ADGB: variants seen among roughly 807,000 people sequenced by gnomAD.
ADGB encodes the protein calpain-7-like protein.
In ADGB, 172 loss-of-function variants were observed where a neutral mutation model predicts 210.5. The ratio of observed to expected loss-of-function variants is 0.82; its 90% CI spans 0.72 to 0.93. The LOEUF (loss-of-function observed/expected upper bound fraction) is 0.93. Ranked by LOEUF, ADGB falls within the 40% of genes least tolerant of loss-of-function variation. The pLI, the probability that ADGB is intolerant of heterozygous loss-of-function variation, is 0.00. For synonymous variants in ADGB, 658 were observed against 662.7 expected (o/e 0.99, Z 0.11); for missense variants, 2,025 against 1,964.8 (o/e 1.03, Z -0.58).
At position 146,676,456 on chromosome 6, in the gene ADGB, T is replaced by C. The variant is rs1488922936; in HGVS notation, c.1216+15T>C. ...CCTATCAGATTGTAAGCTCCTAATT[T>C]CTTAGAATAATAACTATTTTAGTTG... On this transcript the variant is annotated intron_variant, in intron 9 of 35. Transcript: ENST00000397944. The C allele has an allele frequency of 7.4e-7, 1 of 1,354,470 alleles. No individual in the cohort carries two copies. The highest frequency in any genetic ancestry group is 1.5e-5 in the African/African-American group (1 of 66,220). 83.9% of individuals were successfully genotyped at this position (1,354,470 alleles called of 1,614,324 possible).
At chr6:146,686,861 A>G (rs1318127777) in intron 10 of ADGB, among the ~76,000 whole-genome samples, 1 of 152,152 alleles carries the variant, frequency 6.6e-6, no homozygotes, top group East Asian at 1.9e-4. Context: ...TCATTTAGTT[A>G]GCTAGAAAGA....
At chr6:146,638,393 G>A (rs1368641892) in intron 2 of ADGB, among the ~76,000 whole-genome samples, 1 of 151,902 alleles carries the variant, frequency 6.6e-6, no homozygotes, top group South Asian at 2.1e-4. Context: ...AGAAAATGTG[G>A]CACATATACC....
In ADGB at chr6:146,782,153, G is replaced by C. The variant is rs1216372044; in HGVS notation, c.3996G>C (p.Lys1332Asn). The change falls in exon 30 of 36, where the codon AAG (lysine) becomes AAC (asparagine). Residue 1332 changes from lysine (K) to asparagine (N), a missense_variant. Physicochemically the swap from Lys to Asn is moderately conservative, Grantham distance 94. Coordinates refer to ENST00000397944, the MANE Select transcript of ADGB (RefSeq NM_024694.4). ...AAGAAAAGTCTTCTGAGAAAGAAAA[G>C]ACAGCCAAAGAAAAACAAGCACCTC... ...KGKEKSSEKE[K>N]TAKEKQAPRF... is the part of the protein sequence containing the mutation. 5 of 1,539,762 alleles carry C rather than the reference G, an allele frequency of 3.2e-6. No individual in the cohort carries two copies. The highest frequency in any genetic ancestry group is 4.4e-6 in the Non-Finnish European group (5 of 1,143,498).
rs1420007779 is a variant in ADGB, at chr6:146,801,929, G to C, written c.4736G>C (p.Arg1579Thr). 3.2e-6 allele frequency: 5 copies of C among 1,551,036 alleles called. No homozygotes were observed. Among genetic ancestry groups the C allele is most frequent in the Non-Finnish European group, 3.5e-6 (4 of 1,146,744 alleles). ...CATCAGTTTCGACAGCATAGGACCA[G>C]AGTCCTTAGCATTCGAAACATTGAC... ...EIHQFRQHRT[R>T]VLSIRNIDQE... Residue 1579 changes from arginine to threonine, a missense_variant, in exon 35 of 36, where the codon AGA becomes ACA. Coordinates refer to ENST00000397944, the MANE Select transcript of ADGB (RefSeq NM_024694.4).
intron 9 of ADGB, among the ~76,000 whole-genome samples, chr6:146,682,148 G>A (rs7748213): frequency 0.01 from 1,522 of 151,984 alleles, 22 homozygotes; most frequent in African/African-American, 0.034. Context: ...TAGTAATTTG[G>A]GGTTCATCTC....
intron 27 of ADGB, among the ~76,000 whole-genome samples, chr6:146,753,683 AT>A (rs1366424958): frequency 6.6e-6 from 1 of 151,850 alleles, no homozygotes; most frequent in Non-Finnish European, 1.5e-5. Context: ...AAATCATCAA[AT>A]TTTACTCCTT....
At chr6:146,624,372 A>G (rs565179153) in intron 1 of ADGB, among the ~76,000 whole-genome samples, 388 of 151,964 alleles carry the variant, frequency 2.6e-3, no homozygotes, top group African/African-American at 8.3e-3. Flanking sequence ...ATAAAGAATG[A>G]CTTGTAATTT....
chr6:146,639,795 C>T, intron 2 of ADGB: 1 of 151,872 alleles, frequency 6.6e-6, no homozygotes, highest in Non-Finnish European at 1.5e-5. Flanking sequence ...AAGCATGGCA[C>T]ACAAATTCGT....
At chr6:146,792,924 G>A (rs973503267) in intron 33 of ADGB, among the ~76,000 whole-genome samples, 10 of 152,106 alleles carry the variant, frequency 6.6e-5, no homozygotes, top group African/African-American at 1.2e-4. Flanking sequence ...ATGAAGCCAC[G>A]GACCTTCGCA....
At position 146,780,685 on chromosome 6, in the gene ADGB, A is replaced by G. The variant is rs9497621; in HGVS notation, c.3863-1335A>G. Among the ~76,000 whole-genome samples the G allele has an allele frequency of 5.5e-3, 841 of 152,300 alleles. 9 individuals carry two copies. The highest frequency in any genetic ancestry group is 0.019 in the African/African-American group (803 of 41,572). On this transcript the variant is annotated intron_variant, in intron 29 of 35. Transcript: ENST00000397944. ...ATACATAAACCTAACAACAGAATTCAAAATACATGAAGCAAAAACTGACAG... is the reference window on the plus strand; with the variant it reads ...ATACATAAACCTAACAACAGAATTCGAAATACATGAAGCAAAAACTGACAG...
At chr6:146,747,013 T>G (rs1777249750) in intron 26 of ADGB, among the ~76,000 whole-genome samples, 1 of 152,192 alleles carries the variant, frequency 6.6e-6, no homozygotes, top group Non-Finnish European at 1.5e-5. Context: ...TTGGCTCTGG[T>G]CATGTTCCTA....
rs966294575 is a variant in ADGB at position 146,780,955 on chromosome 6, G to C, written c.3863-1065G>C. ...GACCATGTATAAATCAACAAAACAA[G>C]TCTAAATAAAAGTAAAACTATGGAA... On this transcript the variant is annotated intron_variant, in intron 29 of 35. Coordinates refer to ENST00000397944, the MANE Select transcript of ADGB (RefSeq NM_024694.4). Among the ~76,000 whole-genome samples, 3 of 152,038 alleles carry C rather than the reference G, an allele frequency of 2.0e-5. No homozygotes were observed. In the South Asian group the frequency reaches 6.2e-4, roughly 32 times the overall value.
At chr6:146,628,905 G>T (rs887351146) in intron 1 of ADGB, among the ~76,000 whole-genome samples, 2 of 151,912 alleles carry the variant, frequency 1.3e-5, no homozygotes, top group Non-Finnish European at 2.9e-5. Flanking sequence ...TTAGGAACTG[G>T]CAATACGGGG....
At chr6:146,737,825 A>G (rs1373826270) in intron 23 of ADGB, among the ~76,000 whole-genome samples, 2 of 152,104 alleles carry the variant, frequency 1.3e-5, no homozygotes, top group African/African-American at 2.4e-5. Flanking sequence ...CCTTCAGGGG[A>G]TTGTTGTTCT....
At chr6:146,600,777 T>C (rs527844162) in intron 1 of ADGB, among the ~76,000 whole-genome samples, 2 of 152,306 alleles carry the variant, frequency 1.3e-5, no homozygotes, top group South Asian at 4.1e-4. Context: ...TTTTCTATTT[T>C]ACATACTGTT....
rs562222315 is a variant in ADGB, at chr6:146,634,810, A to G, written c.75-565A>G. 5.8e-4 allele frequency among the ~76,000 whole-genome samples: 88 copies of G among 152,074 alleles called. 1 individual carries two copies. Among genetic ancestry groups the G allele is most frequent in the Admixed American group, 7.9e-4 (12 of 15,246 alleles). ...AGTGAAAAATTAAAAAATTTTAAAA[A>G]TCGACCACCCCCCCAAATTTCCAAA... On this transcript the variant is annotated intron_variant, in intron 1 of 35. Coordinates refer to ENST00000397944, the MANE Select transcript of ADGB (RefSeq NM_024694.4).
In ADGB at chr6:146,672,462, C is replaced by A; in HGVS notation, c.1082C>A (p.Pro361Gln). 6.5e-7 allele frequency: 1 copy of A among 1,540,300 alleles called. No individual in the cohort carries two copies. Among genetic ancestry groups the A allele is most frequent in the Non-Finnish European group, 8.7e-7 (1 of 1,143,410 alleles). ...LKAPEKSDKV[P>Q]KEKADARDIG... ...GCTCCTGAGAAAAGCGACAAAGTTC[C>A]AAAGGGTAAGATATTTTACATCAAA... Residue 361 changes from proline to glutamine, a missense_variant, in exon 8 of 36, where the codon CCA (proline) becomes CAA (glutamine). Transcript: ENST00000397944.
chr6:146,688,874 A>G (rs1395459263), intron 10 of ADGB, among the ~76,000 whole-genome samples: 1 of 152,180 alleles, frequency 6.6e-6, no homozygotes, highest in East Asian at 1.9e-4. Flanking sequence ...AGCCTCAAAG[A>G]CAGTAAGATC....
At chr6:146,677,000 A>G (rs1776094951) in intron 9 of ADGB, among the ~76,000 whole-genome samples, 2 of 152,186 alleles carry the variant, frequency 1.3e-5, no homozygotes, top group Admixed American at 6.6e-5. Context: ...ATAAAGGTCA[A>G]CTATTTTTGT....
Sources: allele counts gnomAD v4.1 joint callset (sites outside exome capture counted in the v4.1 genomes callset), GRCh38; gene constraint gnomAD v4.1.1; transcripts MANE v1.5; gene names NCBI Gene and HGNC (gene_info 2026-07-23, HGNC 2026-07-21).